DTL: variants seen among roughly 807,000 people sequenced by gnomAD.
DTL encodes the protein denticleless E3 ubiquitin protein ligase adapter.
Under a neutral mutation model 87.0 loss-of-function variants are expected in DTL, and 46 were observed. That is an observed-to-expected ratio of 0.53 (90% CI 0.42 to 0.68). The LOEUF is 0.68. Among genes scored for constraint, DTL ranks in the 30% least tolerant of loss-of-function variants. The pLI is 0.00. For synonymous variants in DTL, 308 were observed against 311.2 expected, an observed-to-expected ratio of 0.99 and a Z score of 0.11; for missense variants, 737 against 869.4, an observed-to-expected ratio of 0.85 and a Z score of 1.91.
At chr1:212,088,392 T>C (rs1244891302) in intron 13 of DTL, among the ~76,000 whole-genome samples, 1 of 152,220 alleles carries the variant, frequency 6.6e-6, no homozygotes, top group African/African-American at 2.4e-5. Context: ...ATAGGGGCAC[T>C]GGGCCTAAAG....
Position 212,100,815 on chromosome 1 carries a change from AG to A in DTL, c.1826del (p.Ser609ThrfsTer32). The A allele has an allele frequency of 6.2e-7, 1 of 1,614,188 alleles. No individual in the cohort carries two copies. Among genetic ancestry groups the A allele is most frequent in the Non-Finnish European group, 8.5e-7 (1 of 1,180,022 alleles). ...GGACTCTCTAGGTCCTACCAAATCA[AG>A]CAAAATTGAAGGAGCTGGTACCAGT... ...SKDSLGPTKS[S>X]KIEGAGTSIS... On this transcript the variant is annotated frameshift_variant, in exon 14 of 15. Coordinates refer to ENST00000366991, the MANE Select transcript of DTL (RefSeq NM_016448.4). LOFTEE classifies it high-confidence loss of function.
At chr1:212,072,720 T>G (rs1315629399) in intron 11 of DTL, among the ~76,000 whole-genome samples, 4 of 151,990 alleles carry the variant, frequency 2.6e-5, no homozygotes. Flanking sequence ...TATGGCTGCT[T>G]TATCAGATTT....
intron 13 of DTL, among the ~76,000 whole-genome samples, chr1:212,086,940 T>C (rs554433065): frequency 2.0e-5 from 3 of 152,370 alleles, no homozygotes; most frequent in Admixed American, 2.0e-4. Flanking sequence ...TGCTTTTAAC[T>C]ATGTACTTTT....
chr1:212,051,020 C>T (rs1667955062), intron 5 of DTL, among the ~76,000 whole-genome samples: 1 of 152,028 alleles, frequency 6.6e-6, no homozygotes, highest in Non-Finnish European at 1.5e-5. Context: ...TTCTGTCCTT[C>T]TCTTTATTCT....
chr1:212,094,254 G>C (rs765520749), intron 13 of DTL, among the ~76,000 whole-genome samples: 2 of 152,014 alleles, frequency 1.3e-5, no homozygotes, highest in African/African-American at 4.8e-5. Flanking sequence ...TAAGTCTTTG[G>C]TCCATCTGGA....
intron 5 of DTL, among the ~76,000 whole-genome samples, chr1:212,059,047 A>G (rs1048964851): frequency 4.6e-5 from 7 of 152,186 alleles, no homozygotes; most frequent in African/African-American, 7.2e-5. Flanking sequence ...AAAGTCTTCC[A>G]ACAAAGAAAA....
intron 7 of DTL, among the ~76,000 whole-genome samples, chr1:212,065,347 GGTTT>G (rs1654460359): frequency 6.7e-6 from 1 of 148,560 alleles, no homozygotes; most frequent in Non-Finnish European, 1.5e-5. Flanking sequence ...AGCAGAAAGT[GGTTT>G]TTTTTTTTAC....
At position 212,035,851 on chromosome 1, in the gene DTL, T is replaced by C. The variant is rs773209187; in HGVS notation, c.-40T>C. ...TTTCTGCTGAACTTGGAGGCATTTC[T>C]ACGACTTTTCTCTCAGCTGAGGCTT... On this transcript the variant is annotated 5_prime_UTR_variant, in exon 1 of 15. Coordinates refer to ENST00000366991, the MANE Select transcript of DTL (RefSeq NM_016448.4). The C allele has an allele frequency of 6.2e-7, 1 of 1,608,648 alleles. No individual in the cohort carries two copies. Among genetic ancestry groups the C allele is most frequent in the Non-Finnish European group, 8.5e-7 (1 of 1,175,102 alleles).
intron 13 of DTL, among the ~76,000 whole-genome samples, chr1:212,088,762 A>G (rs1655198609): frequency 2.6e-5 from 4 of 152,218 alleles, no homozygotes; most frequent in Admixed American, 2.6e-4. Context: ...AAGACTGAAA[A>G]GGCAGGCTGA....
chr1:212,101,014 C>T lies in DTL; in HGVS notation c.2024C>T (p.Pro675Leu). Residue 675 changes from proline to leucine, a missense_variant, in exon 14 of 15, where the codon CCA becomes CTA. By Grantham distance (98) the Pro-to-Leu change is moderately conservative (BLOSUM62 -3). Coordinates refer to ENST00000366991, the MANE Select transcript of DTL (RefSeq NM_016448.4). ...GCAGCCAAACGGAAGGCTGAGAATCCATCTCCACGAAGTCCGTCATCCCAG... is the reference window on the plus strand; with the variant it reads ...GCAGCCAAACGGAAGGCTGAGAATCTATCTCCACGAAGTCCGTCATCCCAG... ...AMAAKRKAEN[P>L]SPRSPSSQTP... The T allele has an allele frequency of 6.2e-7, 1 of 1,614,026 alleles. No homozygotes were observed. Among genetic ancestry groups the T allele is most frequent in the Non-Finnish European group, 8.5e-7 (1 of 1,179,974 alleles).
chr1:212,080,207 C>T (rs1001606252), intron 12 of DTL, among the ~76,000 whole-genome samples: 1 of 151,926 alleles, frequency 6.6e-6, no homozygotes, highest in African/African-American at 2.4e-5. Context: ...CAATGTGGCA[C>T]AACATGCAGA....
At chr1:212,097,523 A>G (rs1160015911) in intron 13 of DTL, among the ~76,000 whole-genome samples, 1 of 152,064 alleles carries the variant, frequency 6.6e-6, no homozygotes, top group Non-Finnish European at 1.5e-5. Flanking sequence ...AAAACTTTCC[A>G]GTGTATTTTG....
chr1:212,104,582 A>G lies in DTL; in HGVS notation c.*1642A>G, dbSNP rs535567767. On this transcript the variant is annotated 3_prime_UTR_variant, in exon 15 of 15. Coordinates refer to ENST00000366991, the MANE Select transcript of DTL (RefSeq NM_016448.4). ...CACTTGCTTTGAAAGCCAATGGGGG[A>G]AAAAAATCCATGAAAAAAAAAAGAT... 6.6e-6 allele frequency: 1 copy of G among 151,994 alleles called. No homozygotes were observed. Among genetic ancestry groups the G allele is most frequent in the African/African-American group, 2.4e-5 (1 of 41,422 alleles). The allele number at this position is 151,994 out of a possible 1,614,324, so 9.4% of individuals were successfully genotyped here.
intron 5 of DTL, 89 bp from the exon 6 acceptor site, chr1:212,062,780 ACAGTACCTAGCACAT>A (rs1377208673): frequency 1.2e-6 from 1 of 816,772 alleles, no homozygotes; most frequent in East Asian, 2.6e-5. Flanking sequence ...AGTGACAGAT[ACAGTACCTAGCACAT>A]AATAGATAGT....
intron 8 of DTL, 132 bp from the exon 9 acceptor site, chr1:212,068,092 A>G (rs1028781102): frequency 6.9e-6 from 4 of 581,238 alleles, no homozygotes; most frequent in African/African-American, 3.8e-5. Flanking sequence ...TTGTTTCCCA[A>G]TGAAATATCC....
intron 5 of DTL, among the ~76,000 whole-genome samples, chr1:212,052,467 T>G (rs1668016473): frequency 6.6e-6 from 1 of 151,992 alleles, no homozygotes; most frequent in South Asian, 2.1e-4. Context: ...TGAAATCCCA[T>G]CTTTACTAAA....
chr1:212,078,440 A>G (rs767381422), intron 12 of DTL, among the ~76,000 whole-genome samples, 178 bp downstream of exon 12: 13 of 152,086 alleles, frequency 8.5e-5, no homozygotes, highest in Non-Finnish European at 1.6e-4. Flanking sequence ...TTCTCTACCC[A>G]TACCATAATG....
intron 1 of DTL, among the ~76,000 whole-genome samples, chr1:212,037,891 G>T (rs775779108): frequency 6.6e-6 from 1 of 152,138 alleles, no homozygotes; most frequent in Non-Finnish European, 1.5e-5. Flanking sequence ...ATCGTTTATT[G>T]TCATTCATTT....
intron 5 of DTL, among the ~76,000 whole-genome samples, chr1:212,052,804 T>C (rs1668032893): frequency 6.6e-6 from 1 of 151,658 alleles, no homozygotes; most frequent in Non-Finnish European, 1.5e-5. Context: ...TGAGGTTTTG[T>C]TTTTTTTCAG....
Sources: allele counts gnomAD v4.1 joint callset (sites outside exome capture counted in the v4.1 genomes callset), GRCh38; gene constraint gnomAD v4.1.1; transcripts MANE v1.5; gene names NCBI Gene and HGNC (gene_info 2026-07-23, HGNC 2026-07-21).